Variants in GPC5 observed in about 807,000 individuals in gnomAD.
GPC5 encodes the protein glypican 5.
Under a neutral mutation model 53.9 loss-of-function variants are expected in GPC5, and 47 were observed. That is an observed-to-expected ratio of 0.87 (90% CI 0.69 to 1.11). The LOEUF (loss-of-function observed/expected upper bound fraction) is 1.11. GPC5 is among the 50% of genes most tolerant of loss of function. GPC5 has a pLI of 0.00. For missense variants in GPC5, 748 were observed against 713.1 expected (o/e 1.05, Z -0.56); for synonymous variants, 286 against 263.3 (o/e 1.09, Z -0.84).
chr13:92,221,215 T>C (rs1199218555), intron 7 of GPC5, among the ~76,000 whole-genome samples: 2 of 152,198 alleles, frequency 1.3e-5, no homozygotes, highest in Non-Finnish European at 2.9e-5. Flanking sequence ...TTTGTGACTA[T>C]CCAAGGGTAG....
intron 2 of GPC5, among the ~76,000 whole-genome samples, chr13:91,611,466 G>T (rs1331076370): frequency 6.6e-6 from 1 of 152,042 alleles, no homozygotes; most frequent in African/African-American, 2.4e-5. Context: ...CCTCAGATTC[G>T]GAATCCAGTC....
chr13:91,669,270 A>C (rs1332317496), intron 2 of GPC5, among the ~76,000 whole-genome samples: 1 of 152,252 alleles, frequency 6.6e-6, no homozygotes, highest in Admixed American at 6.5e-5. Flanking sequence ...AGAGTGAGAC[A>C]AAACATGATT....
chr13:92,444,301 A>G (rs927133718), intron 7 of GPC5, among the ~76,000 whole-genome samples: 5 of 152,186 alleles, frequency 3.3e-5, no homozygotes, highest in Non-Finnish European at 7.3e-5. Flanking sequence ...CAGAAATCAA[A>G]AGAGTCAGTT....
chr13:92,370,068 T>A (rs1334623525), intron 7 of GPC5, among the ~76,000 whole-genome samples: 1 of 152,230 alleles, frequency 6.6e-6, no homozygotes, highest in Non-Finnish European at 1.5e-5. Flanking sequence ...CAAGGCTGAT[T>A]GGTTTCTTAG....
chr13:92,024,135 A>G (rs879703668), intron 6 of GPC5, among the ~76,000 whole-genome samples: 4 of 152,120 alleles, frequency 2.6e-5, no homozygotes, highest in Non-Finnish European at 4.4e-5. Context: ...TTAATGAATC[A>G]ATATTTAATT....
chr13:92,663,871 T>C (rs1035659318), intron 7 of GPC5, among the ~76,000 whole-genome samples: 1 of 9,692 alleles, frequency 1.0e-4, no homozygotes, highest in African/African-American at 1.8e-4. Context: ...TATATATATA[T>C]ATATATATAT....
At chr13:92,760,184 T>C (rs1252659010) in intron 7 of GPC5, among the ~76,000 whole-genome samples, 1 of 152,118 alleles carries the variant, frequency 6.6e-6, no homozygotes, top group East Asian at 1.9e-4. Context: ...AAGAAGGTAA[T>C]ACTGATCTTG....
intron 7 of GPC5, among the ~76,000 whole-genome samples, chr13:92,295,954 C>A (rs762925219): frequency 4.6e-5 from 7 of 152,182 alleles, no homozygotes; most frequent in Non-Finnish European, 8.8e-5. Flanking sequence ...TGTTTACATT[C>A]AACACTAGTA....
At chr13:92,124,097 A>T (rs2041673360) in intron 6 of GPC5, among the ~76,000 whole-genome samples, 1 of 151,756 alleles carries the variant, frequency 6.6e-6, no homozygotes, top group Admixed American at 6.6e-5. Context: ...CAATATAAAT[A>T]ACCATCCTTA....
chr13:92,702,381 A>G (rs1354643270), intron 7 of GPC5, among the ~76,000 whole-genome samples: 4 of 151,980 alleles, frequency 2.6e-5, no homozygotes, highest in African/African-American at 9.7e-5. Context: ...TAAATTTCCA[A>G]AGTGAATTCT....
At chr13:92,809,198 T>G (rs551922296) in intron 7 of GPC5, among the ~76,000 whole-genome samples, 2 of 152,172 alleles carry the variant, frequency 1.3e-5, no homozygotes, top group Non-Finnish European at 2.9e-5. Context: ...TTTTTAGCTG[T>G]GGTCACACAG....
chr13:92,855,692 T>A (rs1289665959), intron 7 of GPC5, among the ~76,000 whole-genome samples: 1 of 151,106 alleles, frequency 6.6e-6, no homozygotes, highest in African/African-American at 2.4e-5. Flanking sequence ...TCCCACAGAC[T>A]ACAAAAGATC....
intron 2 of GPC5, among the ~76,000 whole-genome samples, chr13:91,637,969 G>C (rs1455459305): frequency 6.6e-6 from 1 of 152,194 alleles, no homozygotes; most frequent in African/African-American, 2.4e-5. Flanking sequence ...ATACTTGATA[G>C]AAAGGAATTG....
At chr13:91,947,864 A>T (rs1413674485) in intron 6 of GPC5, among the ~76,000 whole-genome samples, 1 of 152,126 alleles carries the variant, frequency 6.6e-6, no homozygotes, top group Non-Finnish European at 1.5e-5. Context: ...ATAGGCATGT[A>T]GTAGTTGTTG....
chr13:91,408,988 T>C (rs1386672620), intron 1 of GPC5, among the ~76,000 whole-genome samples: 2 of 152,322 alleles, frequency 1.3e-5, no homozygotes, highest in East Asian at 1.9e-4. Flanking sequence ...TGTGTCTTCA[T>C]TGATTAAATG....
At chr13:92,584,402 A>G (rs1883469637) in intron 7 of GPC5, among the ~76,000 whole-genome samples, 2 of 152,210 alleles carry the variant, frequency 1.3e-5, no homozygotes, top group Non-Finnish European at 2.9e-5. Flanking sequence ...CCCCTGCCCT[A>G]GAGATCTGTG....
intron 6 of GPC5, among the ~76,000 whole-genome samples, chr13:91,993,266 CTTTTAA>C (rs1389158058): frequency 6.6e-6 from 1 of 152,174 alleles, no homozygotes; most frequent in South Asian, 2.1e-4. Flanking sequence ...CTCAAATCCT[CTTTTAA>C]TTTTAATTCA....
chr13:92,812,109 A>G (rs1032421878), intron 7 of GPC5, among the ~76,000 whole-genome samples: 2 of 151,852 alleles, frequency 1.3e-5, no homozygotes, highest in African/African-American at 4.9e-5. Flanking sequence ...CAGATTTTCT[A>G]TTTCTTCAAA....
At chr13:92,746,612 T>C (rs1810542821) in intron 7 of GPC5, among the ~76,000 whole-genome samples, 1 of 152,124 alleles carries the variant, frequency 6.6e-6, no homozygotes, top group African/African-American at 2.4e-5. Context: ...AGATACATTT[T>C]GAACTTCATC....
Sources: allele counts gnomAD v4.1 joint callset (sites outside exome capture counted in the v4.1 genomes callset), GRCh38; gene constraint gnomAD v4.1.1; transcripts MANE v1.5; gene names NCBI Gene and HGNC (gene_info 2026-07-23, HGNC 2026-07-21).